HIVEP3: variants seen among roughly 807,000 people sequenced by gnomAD.
HIVEP3 encodes the protein HIVEP zinc finger 3, also known as transcription factor HIVEP3.
Under a neutral mutation model 152.8 loss-of-function variants are expected in HIVEP3, and 49 were observed. The observed-to-expected ratio is 0.32, with a 90% CI of 0.26 to 0.41. The LOEUF is 0.41. Among genes scored for constraint, HIVEP3 ranks in the 10% least tolerant of loss-of-function variants. The probability of loss-of-function intolerance (pLI) is 1.00; values close to 1 mark genes in which losing one functional copy is unlikely to be tolerated. For missense variants in HIVEP3, 2,790 were observed against 3,103.3 expected (o/e 0.90, Z 2.40); for synonymous variants, 1,269 against 1,289.0 (o/e 0.98, Z 0.33).
chr1:42,003,779 T>C (rs1163880980), intron 1 of HIVEP3, among the ~76,000 whole-genome samples: 3 of 151,300 alleles, frequency 2.0e-5, no homozygotes, highest in South Asian at 2.1e-4. Flanking sequence ...CAAATGTCTT[T>C]TTAGGGCAAA....
In HIVEP3 at chr1:41,643,906, T is replaced by TTG. The variant is rs1553242264; in HGVS notation, c.-720-14960_-720-14959insCA. Among the ~76,000 whole-genome samples the TTG allele has an allele frequency of 3.7e-3, 531 of 143,702 alleles. 8 individuals are homozygous for TTG. Among genetic ancestry groups the TTG allele is most frequent in the Middle Eastern group, 0.019 (5 of 262 alleles). 94.3% of individuals were successfully genotyped at this position (143,702 alleles called of 152,430 possible). A position where few individuals can be genotyped will look rare whatever the true frequency, so the allele number is the denominator to read the frequency against. ...TCCCATCCTCTTTTTTTTTTTTTTTTGACAGGGTCTGGCTCTGTTGCCTAG... is the reference window on the plus strand; with the variant it reads ...TCCCATCCTCTTTTTTTTTTTTTTTTTGGACAGGGTCTGGCTCTGTTGCCTAG... On this transcript the variant is annotated intron_variant, in intron 2 of 8. Transcript: ENST00000372583.
intron 1 of HIVEP3, among the ~76,000 whole-genome samples, chr1:41,878,755 TTCCTCCCTCC>T (rs1644212695): frequency 9.3e-6 from 1 of 107,578 alleles, no homozygotes; most frequent in African/African-American, 3.6e-5. Context: ...CCTCCCTCTC[TTCCTCCCTCC>T]TCCTCCCTCT....
chr1:41,638,535 G>A (rs772247972), intron 2 of HIVEP3, among the ~76,000 whole-genome samples: 2 of 152,196 alleles, frequency 1.3e-5, no homozygotes, highest in Non-Finnish European at 2.9e-5. Flanking sequence ...GATTAAGATG[G>A]TAAATTATGT....
rs1354246852 is a variant in HIVEP3, at chr1:41,580,182, C to T, written c.4616G>A (p.Gly1539Asp). The T allele has an allele frequency of 1.2e-6, 2 of 1,612,214 alleles. No homozygotes were observed. The highest frequency in any genetic ancestry group is 1.7e-6 in the Non-Finnish European group (2 of 1,178,898). The change falls in exon 4 of 9, where the codon GGC becomes GAC. Residue 1539 changes from glycine (G) to aspartate (D), a missense_variant. Physicochemically the swap from Gly to Asp is moderately conservative, Grantham distance 94 (BLOSUM62 -1). Transcript: ENST00000372583. Reference sequence around the variant, plus strand: ...GGTCAACCCTCTTCGGTGAGGTTTGCCAGATGGCTGGGGATATTCCTTCAA... The same window carrying T: ...GGTCAACCCTCTTCGGTGAGGTTTGTCAGATGGCTGGGGATATTCCTTCAA... ...EALKEYPQPS[G>D]KPHRRGLTPL...
At chr1:41,797,105 G>A (rs1365216119) in intron 1 of HIVEP3, among the ~76,000 whole-genome samples, 3 of 152,148 alleles carry the variant, frequency 2.0e-5, no homozygotes, top group Non-Finnish European at 4.4e-5. Flanking sequence ...TCCGTGAAGG[G>A]CCTCCTCAAG....
intron 1 of HIVEP3, among the ~76,000 whole-genome samples, chr1:41,851,342 T>C (rs1459338661): frequency 2.4e-5 from 3 of 125,016 alleles, no homozygotes; most frequent in Non-Finnish European, 4.8e-5. Flanking sequence ...CTTGCTCTGT[T>C]GCCAGGCTGG....
chr1:41,846,822 T>A (rs1425209078), intron 1 of HIVEP3, among the ~76,000 whole-genome samples: 1 of 152,200 alleles, frequency 6.6e-6, no homozygotes. Context: ...GGCTCCTCCA[T>A]AGATGGGTAA....
intron 5 of HIVEP3, among the ~76,000 whole-genome samples, chr1:41,573,989 G>A (rs1264765484): frequency 6.6e-6 from 1 of 152,152 alleles, no homozygotes; most frequent in African/African-American, 2.4e-5. Context: ...CCAGCAGGGA[G>A]CTGGGCACGG....
chr1:41,651,380 C>T (rs1161896098), intron 2 of HIVEP3, among the ~76,000 whole-genome samples: 1 of 146,108 alleles, frequency 6.8e-6, no homozygotes, highest in African/African-American at 2.5e-5. Flanking sequence ...CATTGCACTC[C>T]GGCCTGGGCA....
intron 2 of HIVEP3, among the ~76,000 whole-genome samples, chr1:41,686,037 GTTTT>G (rs886901672): frequency 2.0e-5 from 3 of 151,788 alleles, no homozygotes; most frequent in African/African-American, 7.3e-5. Flanking sequence ...CTAGACTGTG[GTTTT>G]TTTGTTTGTT....
Position 41,506,902 on chromosome 1 carries a change from T to TTTTC in HIVEP3, c.*3545_*3548dup, listed in dbSNP as rs1315656492. Reference sequence around the variant, plus strand: ...CCTGCACGTTTCTTTTTTCTGTTTCTTTTCTTTCTTTCTTTTTTTACATAC... The same window carrying TTTTC: ...CCTGCACGTTTCTTTTTTCTGTTTCTTTTCTTTCTTTCTTTCTTTTTTTACATAC... On this transcript the variant is annotated 3_prime_UTR_variant, in exon 9 of 9. Coordinates refer to ENST00000372583, the MANE Select transcript of HIVEP3 (RefSeq NM_024503.5). 1 of 152,038 alleles carries TTTTC rather than the reference T, an allele frequency of 6.6e-6. No homozygotes were observed. Among genetic ancestry groups the TTTTC allele is most frequent in the Non-Finnish European group, 1.5e-5 (1 of 68,026 alleles). The allele number at this position is 152,038 out of a possible 1,614,324, so 9.4% of individuals were successfully genotyped here.
intron 1 of HIVEP3, among the ~76,000 whole-genome samples, chr1:41,712,280 C>T (rs943409107): frequency 1.3e-5 from 2 of 152,180 alleles, no homozygotes; most frequent in Non-Finnish European, 2.9e-5. Flanking sequence ...GGAGGCATGC[C>T]GCCCTAGTCG....
At chr1:41,986,102 G>A (rs915082296) in intron 1 of HIVEP3, among the ~76,000 whole-genome samples, 7 of 152,106 alleles carry the variant, frequency 4.6e-5, no homozygotes, top group Admixed American at 1.3e-4. Context: ...CATGCTATCT[G>A]TACCTTAGTT....
intron 2 of HIVEP3, among the ~76,000 whole-genome samples, chr1:41,696,419 G>A (rs539402903): frequency 2.6e-5 from 4 of 152,350 alleles, no homozygotes; most frequent in African/African-American, 9.6e-5. Context: ...GGCGGGTGAC[G>A]AGGCACATTT....
chr1:41,666,131 GTGTGTGTGTGTA>G (rs1645793079), intron 2 of HIVEP3, among the ~76,000 whole-genome samples: 1 of 152,058 alleles, frequency 6.6e-6, no homozygotes, highest in Admixed American at 6.5e-5. Flanking sequence ...GCGTGTGTGT[GTGTGTGTGTGTA>G]TGTGTGTGTG....
At chr1:42,021,721 G>A (rs983740218) in intron 1 of HIVEP3, among the ~76,000 whole-genome samples, 3 of 152,132 alleles carry the variant, frequency 2.0e-5, no homozygotes, top group Non-Finnish European at 2.9e-5. Context: ...ACAGAAGTGG[G>A]GAAGAGATTC....
At chr1:41,913,333 TGGA>T in intron 1 of HIVEP3, among the ~76,000 whole-genome samples, 1 of 152,216 alleles carries the variant, frequency 6.6e-6, no homozygotes, top group East Asian at 1.9e-4. Flanking sequence ...AGAATTTTGA[TGGA>T]GGAGGATTTC....
rs1479899573 is a variant in HIVEP3, at chr1:41,662,283, C to A, written c.-720-33336G>T. 1 of 145,762 alleles carries A rather than the reference C, an allele frequency of 6.9e-6. No individual in the cohort carries two copies. The highest frequency in any genetic ancestry group is 1.5e-5 in the Non-Finnish European group (1 of 65,640). The allele number at this position is 145,762 out of a possible 1,614,324, so 9.0% of individuals were successfully genotyped here. A position where few individuals can be genotyped will look rare whatever the true frequency, so the allele number is the denominator to read the frequency against. ...CGGCTCCGCCCGGCGGTGCCCCAGG[C>A]GCTCGCTGGCGGCCCACGCGGCGCG... is the stretch of plus-strand genomic sequence containing the variant. On this transcript the variant is annotated intron_variant, in intron 2 of 8. Transcript: ENST00000372583. This position sits in a 1 kb window ranked among gnomAD's most constrained non-coding sequence, Gnocchi z 7.2.
intron 1 of HIVEP3, among the ~76,000 whole-genome samples, chr1:41,846,857 T>A (rs900103178): frequency 6.6e-6 from 1 of 152,208 alleles, no homozygotes; most frequent in Non-Finnish European, 1.5e-5. Flanking sequence ...AATGACTGTT[T>A]CTCAGCATCC....
Sources: allele counts gnomAD v4.1 joint callset (sites outside exome capture counted in the v4.1 genomes callset), GRCh38; gene constraint gnomAD v4.1.1; non-coding constraint Gnocchi (gnomAD v3.1); transcripts MANE v1.5; gene names NCBI Gene and HGNC (gene_info 2026-07-23, HGNC 2026-07-21).